The following CNOT6 variants were observed in gnomAD, a reference collection of about 807,000 sequenced individuals.
CNOT6 encodes CCR4-NOT transcription complex subunit 6.
A neutral mutation model predicts 61.2 loss-of-function variants in CNOT6; 12 were observed. That is an observed-to-expected ratio of 0.20 (90% confidence interval 0.13 to 0.32). The LOEUF (loss-of-function observed/expected upper bound fraction) is 0.32. CNOT6 is among the 10% of genes least tolerant of loss of function. The pLI, the probability that CNOT6 is intolerant of heterozygous loss-of-function variation, is 1.00. For missense variants in CNOT6, 405 were observed against 663.9 expected (o/e 0.61, Z 4.28); for synonymous variants, 225 against 240.6 (o/e 0.94, Z 0.60).
At chr5:180,549,906 G>C in intron 2 of CNOT6, 25 bp from the exon 3 acceptor site, 1 of 1,548,300 alleles carries the variant, frequency 6.5e-7, no homozygotes, top group Non-Finnish European at 8.9e-7. Context: ...TATATAATCC[G>C]TTCCTGTATT....
intron 1 of CNOT6, among the ~76,000 whole-genome samples, chr5:180,496,771 G>A (rs1172407941): frequency 6.6e-6 from 1 of 152,226 alleles, no homozygotes; most frequent in Non-Finnish European, 1.5e-5. Context: ...TTGTGAGACT[G>A]AAGATTTTCT....
At chr5:180,506,904 T>C (rs969876110) in intron 1 of CNOT6, among the ~76,000 whole-genome samples, 1 of 152,148 alleles carries the variant, frequency 6.6e-6, no homozygotes, top group Non-Finnish European at 1.5e-5. Flanking sequence ...TTAAGATATG[T>C]AAATGGAAGA....
At chr5:180,571,696 G>C (rs1405435041) in intron 11 of CNOT6, among the ~76,000 whole-genome samples, 1 of 152,116 alleles carries the variant, frequency 6.6e-6, no homozygotes, top group Non-Finnish European at 1.5e-5. Context: ...CTCCCTAGTA[G>C]CTGGGACTAC....
chr5:180,552,169 C>T (rs563485120), intron 3 of CNOT6, among the ~76,000 whole-genome samples: 9 of 151,326 alleles, frequency 5.9e-5, no homozygotes, highest in South Asian at 2.1e-4. Flanking sequence ...GTGCCCAGCC[C>T]GAGGGACCTC....
chr5:180,519,865 C>CCA, intron 1 of CNOT6, among the ~76,000 whole-genome samples: 1 of 145,784 alleles, frequency 6.9e-6, no homozygotes, highest in Non-Finnish European at 1.5e-5. Flanking sequence ...AAAGGAATCT[C>CCA]GCTCTATTGC....
rs1761014059 is a variant in CNOT6, at chr5:180,576,740, T to C, written c.*2540T>C. 6.6e-6 allele frequency: 1 copy of C among 152,230 alleles called. No homozygotes were observed. The highest frequency in any genetic ancestry group is 2.1e-4 in the South Asian group (1 of 4,832). 9.4% of individuals were successfully genotyped at this position (152,230 alleles called of 1,614,324 possible). A position where few individuals can be genotyped will look rare whatever the true frequency, so the allele number is the denominator to read the frequency against. On this transcript the variant is annotated 3_prime_UTR_variant, in exon 12 of 12. Transcript: ENST00000261951. ...GATGCTTTTGTTAAGAAAGGTTTCA[T>C]GTTTTAGATATTTTCCGTGTCCTAA...
chr5:180,519,464 A>G (rs1033848823), intron 1 of CNOT6, among the ~76,000 whole-genome samples: 2 of 152,230 alleles, frequency 1.3e-5, no homozygotes, highest in African/African-American at 4.8e-5. Context: ...TTTCCTTAGT[A>G]ATTGCTCATC....
chr5:180,505,451 G>T (rs576202166), intron 1 of CNOT6, among the ~76,000 whole-genome samples: 20 of 141,816 alleles, frequency 1.4e-4, no homozygotes, highest in Admixed American at 4.3e-4. Context: ...TAGAGACGGG[G>T]TTTCACTGTG....
At position 180,574,409 on chromosome 5, in the gene CNOT6, G is replaced by A; in HGVS notation, c.*209G>A. 3.4e-6 allele frequency: 2 copies of A among 586,468 alleles called. No individual in the cohort carries two copies. The highest frequency in any genetic ancestry group is 6.1e-6 in the Non-Finnish European group (2 of 328,226). The allele number at this position is 586,468 out of a possible 1,614,324, so 36.3% of individuals were successfully genotyped here. A position where few individuals can be genotyped will look rare whatever the true frequency, so the allele number is the denominator to read the frequency against. ...AATATGCTTTATACTGCTAGACAGG[G>A]ATTGGTGTGTTTGCACCTGTCTTTC... On this transcript the variant is annotated 3_prime_UTR_variant, in exon 12 of 12. Transcript: ENST00000261951.
intron 2 of CNOT6, among the ~76,000 whole-genome samples, chr5:180,530,539 C>T (rs1758301994): frequency 6.6e-6 from 1 of 150,954 alleles, no homozygotes; most frequent in African/African-American, 2.4e-5. Flanking sequence ...ACGGGTCTCT[C>T]CTGTTTTCCC....
chr5:180,530,901 C>T (rs1450495917), intron 2 of CNOT6, among the ~76,000 whole-genome samples: 1 of 152,244 alleles, frequency 6.6e-6, no homozygotes, highest in Non-Finnish European at 1.5e-5. Flanking sequence ...TATAGATTAA[C>T]AGCATCCCAA....
intron 1 of CNOT6, among the ~76,000 whole-genome samples, chr5:180,510,196 C>G (rs1454236552): frequency 8.9e-6 from 1 of 112,002 alleles, no homozygotes; most frequent in African/African-American, 3.4e-5. Context: ...CTGTGTTGCC[C>G]AGGCTGGAGT....
At chr5:180,500,838 A>G (rs75867744) in intron 1 of CNOT6, among the ~76,000 whole-genome samples, 14,273 of 152,054 alleles carry the variant, frequency 0.094, 822 homozygotes, top group East Asian at 0.25. Flanking sequence ...AGAAAGCACA[A>G]AGCATTTTGG....
intron 1 of CNOT6, among the ~76,000 whole-genome samples, chr5:180,504,699 C>CA (rs1288780192): frequency 6.6e-6 from 1 of 152,152 alleles, no homozygotes; most frequent in East Asian, 1.9e-4. Context: ...CTACACAAAT[C>CA]ATGGTTTTGA....
chr5:180,535,140 G>GAGGA (rs917345171), intron 2 of CNOT6, among the ~76,000 whole-genome samples: 12 of 152,290 alleles, frequency 7.9e-5, no homozygotes, highest in African/African-American at 2.7e-4. Flanking sequence ...TCGTGGGGTG[G>GAGGA]AGGACACTGC....
chr5:180,495,966 C>T (rs1240538961), intron 1 of CNOT6, among the ~76,000 whole-genome samples: 3 of 152,198 alleles, frequency 2.0e-5, no homozygotes, highest in Non-Finnish European at 4.4e-5. Context: ...GGCTGGAGTG[C>T]AGTGGCACAG....
chr5:180,569,873 G>T (rs886408056), intron 10 of CNOT6, among the ~76,000 whole-genome samples: 2 of 152,148 alleles, frequency 1.3e-5, no homozygotes, highest in Admixed American at 6.5e-5. Flanking sequence ...GCCTGATCTG[G>T]AGCGCTCTTT....
chr5:180,529,395 C>T lies in CNOT6; in HGVS notation c.112+7C>T. 6.6e-7 allele frequency: 1 copy of T among 1,520,294 alleles called. No homozygotes were observed. Among genetic ancestry groups the T allele is most frequent in the Non-Finnish European group, 9.1e-7 (1 of 1,096,612 alleles). 94.2% of individuals were successfully genotyped at this position (1,520,294 alleles called of 1,614,324 possible). ...GCAGAGCTTGAAATAAGTGGTAAGA[C>T]ATGGAAGCATGAATTTATGGTATGG... is the stretch of plus-strand genomic sequence containing the variant. On this transcript the variant is annotated splice_region_variant and intron_variant, in intron 2 of 11. Coordinates refer to ENST00000261951, the MANE Select transcript of CNOT6 (RefSeq NM_001370472.1).
At chr5:180,573,897 A>G (rs1262687197) in intron 11 of CNOT6, 91 bp from the exon 12 acceptor site, 2 of 870,668 alleles carry the variant, frequency 2.3e-6, no homozygotes, top group Non-Finnish European at 3.8e-6. Flanking sequence ...TGTTCTGTTC[A>G]CCAAACATGA....
Sources: gnomAD v4.1 joint callset for allele counts (sites outside exome capture counted in the v4.1 genomes callset) on GRCh38, gnomAD v4.1.1 for gene constraint, MANE v1.5 for transcripts, NCBI Gene and HGNC (gene_info 2026-07-23, HGNC 2026-07-21) for gene names.